The following SPRED2 variants were observed in gnomAD, a reference collection of about 807,000 sequenced individuals.
SPRED2 encodes sprouty-related, EVH1 domain-containing protein 2.
A neutral mutation model predicts 43.0 loss-of-function variants in SPRED2; 47 were observed. That is an observed-to-expected ratio of 1.09 (90% CI 0.87 to 1.40). The LOEUF (loss-of-function observed/expected upper bound fraction) is 1.40, where lower values mean the gene tolerates loss of function less well. Ranked by LOEUF, SPRED2 falls within the 40% of genes most tolerant of loss-of-function variation. The pLI is 0.00. For synonymous variants in SPRED2, 225 were observed against 225.7 expected (o/e 1.00, Z 0.03); for missense variants, 561 against 586.4 (o/e 0.96, Z 0.45).
chr2:65,349,191 CCCAGCTACTCAGGAGG>C (rs1308195804), intron 1 of SPRED2, among the ~76,000 whole-genome samples: 3 of 151,672 alleles, frequency 2.0e-5, no homozygotes, highest in Admixed American at 6.6e-5. Context: ...CGCCTGTAAT[CCCAGCTACTCAGGAGG>C]CTGAGGCAGG....
chr2:65,326,650 AC>A (rs765052938), intron 4 of SPRED2, among the ~76,000 whole-genome samples: 20 of 152,106 alleles, frequency 1.3e-4, no homozygotes, highest in Non-Finnish European at 2.5e-4. Flanking sequence ...GAAATTAACA[AC>A]AACAAAAACC....
intron 2 of SPRED2, among the ~76,000 whole-genome samples, chr2:65,337,062 C>T (rs551891213): frequency 2.0e-5 from 3 of 152,006 alleles, no homozygotes; most frequent in South Asian, 4.2e-4. Context: ...GGGCCGAGAT[C>T]GTGCCACTGC....
chr2:65,374,919 T>TAC (rs1296788415), intron 1 of SPRED2, among the ~76,000 whole-genome samples: 1 of 152,244 alleles, frequency 6.6e-6, no homozygotes, highest in African/African-American at 2.4e-5. Flanking sequence ...GTGAGCCTAA[T>TAC]ACAGCTTGCT....
At chr2:65,412,793 A>C (rs1676192446) in intron 1 of SPRED2, among the ~76,000 whole-genome samples, 1 of 152,144 alleles carries the variant, frequency 6.6e-6, no homozygotes, top group East Asian at 1.9e-4. Context: ...GCCCACTCCA[A>C]AACCCTTAAA....
intron 4 of SPRED2, among the ~76,000 whole-genome samples, chr2:65,331,061 C>T (rs1200312507): frequency 6.6e-6 from 1 of 152,054 alleles, no homozygotes; most frequent in Non-Finnish European, 1.5e-5. Flanking sequence ...CATATGTGTC[C>T]TGGGTCACAA....
intron 4 of SPRED2, among the ~76,000 whole-genome samples, chr2:65,317,178 A>G (rs961569061): frequency 1.1e-4 from 17 of 152,316 alleles, no homozygotes; most frequent in African/African-American, 4.1e-4. Context: ...AAGGCTGGAT[A>G]TACCAGGCTC....
In SPRED2 at chr2:65,312,408, C is replaced by T. The variant is rs1044159917; in HGVS notation, c.*1093G>A. ...AACCCACCACTCTTCAAATTTATGA[C>T]ATTTAAAAATCCCCTCTCCCCATTA... On this transcript the variant is annotated 3_prime_UTR_variant, in exon 6 of 6. Coordinates refer to ENST00000356388, the MANE Select transcript of SPRED2 (RefSeq NM_181784.3). 3 of 985,292 alleles carry T rather than the reference C, an allele frequency of 3.0e-6. No individual in the cohort carries two copies. The highest frequency in any genetic ancestry group is 6.1e-5 in the Admixed American group (1 of 16,266). 61.0% of individuals were successfully genotyped at this position (985,292 alleles called of 1,614,324 possible).
At position 65,313,250 on chromosome 2, in the gene SPRED2, GGT is replaced by G; in HGVS notation, c.*249_*250del. ...TAATAGTACAGGAGTCTGTGGCGAAGGTTCCTTCCTCAGAACACTGTGCGAGC... is the reference window on the plus strand; with the variant it reads ...TAATAGTACAGGAGTCTGTGGCGAAGTCCTTCCTCAGAACACTGTGCGAGC... On this transcript the variant is annotated 3_prime_UTR_variant, in exon 6 of 6. Coordinates refer to ENST00000356388, the MANE Select transcript of SPRED2 (RefSeq NM_181784.3). 1 of 1,289,840 alleles carries G rather than the reference GGT, an allele frequency of 7.8e-7. No individual in the cohort carries two copies. The highest frequency in any genetic ancestry group is 9.8e-7 in the Non-Finnish European group (1 of 1,020,584). The allele number at this position is 1,289,840 out of a possible 1,614,324, so 79.9% of individuals were successfully genotyped here.
chr2:65,431,669 T>A (rs1676698631), intron 1 of SPRED2, among the ~76,000 whole-genome samples: 1 of 151,840 alleles, frequency 6.6e-6, no homozygotes, highest in Admixed American at 6.5e-5. Flanking sequence ...GCGGGGGAGC[T>A]GTAAGTCCTC....
intron 4 of SPRED2, 140 bp downstream of exon 4, chr2:65,331,847 G>C: frequency 3.3e-6 from 2 of 607,706 alleles, no homozygotes; most frequent in East Asian, 2.9e-5. Context: ...AAAAATTGTA[G>C]TAAGACAGAG....
intron 2 of SPRED2, among the ~76,000 whole-genome samples, chr2:65,335,331 A>G (rs1673933877): frequency 6.6e-6 from 1 of 152,038 alleles, no homozygotes; most frequent in Non-Finnish European, 1.5e-5. Context: ...AACAGCTTTT[A>G]TATCAACCCC....
intron 1 of SPRED2, among the ~76,000 whole-genome samples, chr2:65,396,562 A>T (rs1211984256): frequency 1.3e-5 from 2 of 152,248 alleles, no homozygotes; most frequent in Non-Finnish European, 1.5e-5. Context: ...CAAAGGCAAG[A>T]GGGAGTTCCA....
downstream of SPRED2, chr2:65,308,483 T>C: frequency 1.0e-6 from 1 of 985,398 alleles, no homozygotes; most frequent in Non-Finnish European, 1.2e-6. Context: ...AGGATGTAGA[T>C]CTAAATACTC....
At chr2:65,354,707 T>C (rs1019201665) in intron 1 of SPRED2, among the ~76,000 whole-genome samples, 1 of 152,056 alleles carries the variant, frequency 6.6e-6, no homozygotes, top group African/African-American at 2.4e-5. Flanking sequence ...ACCACAAGAA[T>C]ACTAAATATA....
At chr2:65,331,834 G>A (rs997416706) in intron 4 of SPRED2, among the ~76,000 whole-genome samples, 153 bp downstream of exon 4, 5 of 152,198 alleles carry the variant, frequency 3.3e-5, no homozygotes, top group African/African-American at 1.2e-4. Context: ...AACCCAGCCT[G>A]AGAAAAATTG....
chr2:65,319,547 A>C (rs2104136191), intron 4 of SPRED2, among the ~76,000 whole-genome samples: 1 of 152,198 alleles, frequency 6.6e-6, no homozygotes, highest in East Asian at 1.9e-4. Flanking sequence ...CTTAAGCCAG[A>C]ATACACTGGG....
chr2:65,345,074 C>T (rs1443117306), intron 1 of SPRED2, among the ~76,000 whole-genome samples, 178 bp from the exon 2 acceptor site: 1 of 152,030 alleles, frequency 6.6e-6, no homozygotes, highest in East Asian at 1.9e-4. Flanking sequence ...AAACAAAACA[C>T]TTAAACTCAA....
intron 1 of SPRED2, among the ~76,000 whole-genome samples, chr2:65,381,311 CGG>C (rs1675369003): frequency 6.6e-6 from 1 of 152,184 alleles, no homozygotes; most frequent in Non-Finnish European, 1.5e-5. Flanking sequence ...CAGAATGGAA[CGG>C]TAACATACAT....
chr2:65,319,679 A>C (rs1673355851), intron 4 of SPRED2, among the ~76,000 whole-genome samples: 1 of 151,988 alleles, frequency 6.6e-6, no homozygotes, highest in Non-Finnish European at 1.5e-5. Flanking sequence ...CTTCCTCACA[A>C]ACAACTCTTC....
Sources: allele counts gnomAD v4.1 joint callset (sites outside exome capture counted in the v4.1 genomes callset), GRCh38; gene constraint gnomAD v4.1.1; transcripts MANE v1.5; gene names NCBI Gene and HGNC (gene_info 2026-07-23, HGNC 2026-07-21).